Variants in PFKFB3 observed in about 807,000 individuals in gnomAD.
The protein encoded by PFKFB3 is 6-phosphofructo-2-kinase/fructose-2,6-biphosphatase 3, also known as 6-phosphofructo-2-kinase/fructose-2,6-bisphosphatase 3.
In PFKFB3, 33 loss-of-function variants were observed where a neutral mutation model predicts 68.0. That is an observed-to-expected ratio of 0.49 (90% CI 0.37 to 0.65). The LOEUF (loss-of-function observed/expected upper bound fraction) is 0.65. PFKFB3 is among the 30% of genes least tolerant of loss of function. PFKFB3 has a pLI of 0.00. For missense variants in PFKFB3, 586 were observed against 712.2 expected, an observed-to-expected ratio of 0.82 and a Z score of 2.02; for synonymous variants, 315 against 288.2, an observed-to-expected ratio of 1.09 and a Z score of -0.94.
intron 1 of PFKFB3, chr10:6,145,024 C>G (rs1841329659): frequency 7.5e-7 from 1 of 1,335,068 alleles, no homozygotes; most frequent in African/African-American, 1.5e-5. Context: ...GTAGGAGTCC[C>G]GGTGACGCGG....
At chr10:6,250,437 G>C (rs902150730) in intron 14 of PFKFB3, among the ~76,000 whole-genome samples, 1 of 152,088 alleles carries the variant, frequency 6.6e-6, no homozygotes, top group Non-Finnish European at 1.5e-5. Flanking sequence ...CGGGCATGGT[G>C]GCGGGCGCCT....
chr10:6,299,839 G>A, the PFKFB3 span, among the ~76,000 whole-genome samples: 1 of 152,138 alleles, frequency 6.6e-6, no homozygotes, highest in East Asian at 1.9e-4. Context: ...AAGCTGTGTT[G>A]AGGGTGGCAC....
chr10:6,290,573 A>G, the PFKFB3 span, among the ~76,000 whole-genome samples: 3 of 148,282 alleles, frequency 2.0e-5, no homozygotes, highest in Non-Finnish European at 4.4e-5. Flanking sequence ...ATCTCAGCTC[A>G]CTACAACCTC....
At chr10:6,206,530 CGGG>C (rs1843710927) in intron 1 of PFKFB3, among the ~76,000 whole-genome samples, 1 of 124,470 alleles carries the variant, frequency 8.0e-6, no homozygotes, top group African/African-American at 3.9e-5. Context: ...TAGGGGCGGC[CGGG>C]CAGAGGCGCC....
At position 6,244,412 on chromosome 10, in the gene PFKFB3, T is replaced by G. The variant is rs570923864; in HGVS notation, c.1516-9766T>G. Among the ~76,000 whole-genome samples the G allele has an allele frequency of 2.5e-4, 38 of 152,300 alleles. No homozygotes were observed. The South Asian group carries it at 6.0e-3, about 24-fold the overall frequency. On this transcript the variant is annotated intron_variant, in intron 14 of 14. Transcript: ENST00000640683. ...GAATTTCTGGAGGGACCATGGTCTT[T>G]CTGGACCAACTTGGCTGCTCATTCT...
chr10:6,181,439 C>A lies in PFKFB3; in HGVS notation c.17-32184C>A, dbSNP rs143303370. 7.9e-4 allele frequency among the ~76,000 whole-genome samples: 120 copies of A among 152,308 alleles called. 1 individual carries two copies. The East Asian group carries it at 0.022, about 28-fold the overall frequency. Reference sequence around the variant, plus strand: ...ATCCACACAGTGGAATATTATGCAGCCTTAAACAAGAAGGAAATGCTGACA... The same window carrying A: ...ATCCACACAGTGGAATATTATGCAGACTTAAACAAGAAGGAAATGCTGACA... On this transcript the variant is annotated intron_variant, in intron 1 of 14. Coordinates refer to the PFKFB3 transcript ENST00000379789.
At chr10:6,317,630 C>T in the PFKFB3 span, among the ~76,000 whole-genome samples, 1 of 152,124 alleles carries the variant, frequency 6.6e-6, no homozygotes, top group Non-Finnish European at 1.5e-5. Flanking sequence ...GCTATCGTAG[C>T]AGGAAAAGGG....
intron 1 of PFKFB3, among the ~76,000 whole-genome samples, chr10:6,147,869 G>A (rs1841444807): frequency 6.7e-6 from 1 of 149,784 alleles, no homozygotes; most frequent in Non-Finnish European, 1.5e-5. Flanking sequence ...AGGGGAGTCT[G>A]CTGGGACACA....
chr10:6,178,055 G>A (rs1158926520), intron 1 of PFKFB3, among the ~76,000 whole-genome samples: 1 of 152,192 alleles, frequency 6.6e-6, no homozygotes, highest in Non-Finnish European at 1.5e-5. Flanking sequence ...CCCTAGTCAG[G>A]AGGGAGCCAA....
the PFKFB3 span, among the ~76,000 whole-genome samples, chr10:6,308,622 A>G: frequency 0.035 from 5,288 of 151,386 alleles, 139 homozygotes; most frequent in Middle Eastern, 0.15. Context: ...GATAATAAAA[A>G]CAGGCGCTAA....
Position 6,220,938 on chromosome 10 carries a change from C to G in PFKFB3, c.831+73C>G, listed in dbSNP as rs1844911605. ...CAGGGTCTATAGGGTGGGTGGGGAG[C>G]TGTGTGCTGCTGCTGCTGCTGCTGC... On this transcript the variant is annotated intron_variant, in intron 8 of 14. Coordinates refer to ENST00000379775, the MANE Select transcript of PFKFB3 (RefSeq NM_004566.4). This position sits in a 1 kb window ranked among gnomAD's most constrained non-coding sequence, Gnocchi z 4.1. 7.9e-7 allele frequency: 1 copy of G among 1,266,520 alleles called. No individual in the cohort carries two copies. Among genetic ancestry groups the G allele is most frequent in the South Asian group, 1.2e-5 (1 of 81,970 alleles). 78.5% of individuals were successfully genotyped at this position (1,266,520 alleles called of 1,614,324 possible). A position where few individuals can be genotyped will look rare whatever the true frequency, so the allele number is the denominator to read the frequency against.
At chr10:6,216,619 G>A (rs888459272) in intron 4 of PFKFB3, 87 bp from the exon 5 acceptor site, 2 of 920,252 alleles carry the variant, frequency 2.2e-6, no homozygotes, top group Non-Finnish European at 3.6e-6. Context: ...TCCTGGAGAT[G>A]ATGGGTCTGG....
the PFKFB3 span, among the ~76,000 whole-genome samples, chr10:6,324,725 C>A: frequency 6.6e-6 from 1 of 151,980 alleles, no homozygotes; most frequent in Non-Finnish European, 1.5e-5. Context: ...CCACTGCGCC[C>A]AGCTGTTAAT....
the PFKFB3 span, among the ~76,000 whole-genome samples, chr10:6,304,861 T>A: frequency 6.8e-6 from 1 of 146,892 alleles, no homozygotes; most frequent in Non-Finnish European, 1.5e-5. Flanking sequence ...TTTTTTTTTT[T>A]AGTAGAGATG....
chr10:6,232,873 C>T, intron 14 of PFKFB3, 22 bp from the exon 15 acceptor site: 1 of 1,605,752 alleles, frequency 6.2e-7, no homozygotes, highest in Non-Finnish European at 8.5e-7. Context: ...CCCTCCCCAC[C>T]TCTCTTTTCT....
At chr10:6,320,360 A>C in the PFKFB3 span, among the ~76,000 whole-genome samples, 1 of 152,114 alleles carries the variant, frequency 6.6e-6, no homozygotes, top group Non-Finnish European at 1.5e-5. Flanking sequence ...AAAAATGAAG[A>C]AATGTATGAG....
At chr10:6,266,220 A>G in the PFKFB3 span, among the ~76,000 whole-genome samples, 1 of 152,188 alleles carries the variant, frequency 6.6e-6, no homozygotes, top group East Asian at 1.9e-4. Context: ...TGTTTATTTT[A>G]TGGATTCATT....
intron 10 of PFKFB3, among the ~76,000 whole-genome samples, chr10:6,222,228 C>T (rs1381940065): frequency 6.6e-6 from 1 of 152,186 alleles, no homozygotes; most frequent in Non-Finnish European, 1.5e-5. Context: ...TGGCCTCAGA[C>T]TAAGCCTTAC....
chr10:6,295,338 C>T, the PFKFB3 span, among the ~76,000 whole-genome samples: 5 of 152,240 alleles, frequency 3.3e-5, no homozygotes, highest in South Asian at 1.0e-3. Context: ...TCTCCTGCCT[C>T]AGCCTCCCAA....
Sources: gnomAD v4.1 joint callset for allele counts (sites outside exome capture counted in the v4.1 genomes callset) on GRCh38, gnomAD v4.1.1 for gene constraint, Gnocchi (gnomAD v3.1) non-coding constraint, MANE v1.5 for transcripts, NCBI Gene and HGNC (gene_info 2026-07-23, HGNC 2026-07-21) for gene names.